Variants in CCDC88A observed in about 807,000 individuals in gnomAD.
CCDC88A encodes the protein coiled-coil and HOOK domain protein 88A.
CCDC88A carries 54 observed loss-of-function variants against 234.3 expected under a neutral mutation model. That is an observed-to-expected ratio of 0.23 (90% CI 0.19 to 0.29). The LOEUF (loss-of-function observed/expected upper bound fraction) is 0.29, where lower values mean the gene tolerates loss of function less well. Among genes scored for constraint, CCDC88A ranks in the 10% least tolerant of loss-of-function variants. CCDC88A has a pLI of 1.00. For synonymous variants in CCDC88A, 753 were observed against 737.8 expected (o/e 1.02, Z -0.33); for missense variants, 1,832 against 2,123.4 (o/e 0.86, Z 2.70).
intron 2 of CCDC88A, among the ~76,000 whole-genome samples, chr2:55,413,048 A>G (rs1232133313): frequency 6.6e-6 from 1 of 152,152 alleles, no homozygotes; most frequent in African/African-American, 2.4e-5. Flanking sequence ...TATAAAAAAA[A>G]TTTTAAAAAA....
At chr2:55,326,642 A>C (rs1035128198) in intron 17 of CCDC88A, among the ~76,000 whole-genome samples, 3 of 152,118 alleles carry the variant, frequency 2.0e-5, no homozygotes, top group African/African-American at 7.2e-5. Flanking sequence ...AGCTCACTGC[A>C]ACCTCTACCT....
rs549915854 is a variant in CCDC88A at position 55,384,618 on chromosome 2, T to C, written c.273+4160A>G. ...ATATATACGTATATATGTGTATATA[T>C]ACGTATATATATGTATATATGTGTA... On this transcript the variant is annotated intron_variant, in intron 3 of 32. Transcript: ENST00000436346. 6.5e-4 allele frequency among the ~76,000 whole-genome samples: 53 copies of C among 81,356 alleles called. 3 individuals are homozygous for C. The highest frequency in any genetic ancestry group is 9.7e-4 in the African/African-American group (16 of 16,434). The allele number at this position is 81,356 out of a possible 152,430, so 53.4% of individuals were successfully genotyped here. A position where few individuals can be genotyped will look rare whatever the true frequency, so the allele number is the denominator to read the frequency against.
chr2:55,349,308 T>C (rs1051197858), intron 9 of CCDC88A: 9 of 515,962 alleles, frequency 1.7e-5, no homozygotes, highest in East Asian at 1.4e-4. Flanking sequence ...TTTTGAATCT[T>C]AGCAGAGTTT....
intron 9 of CCDC88A, among the ~76,000 whole-genome samples, chr2:55,347,329 G>T (rs1027528897): frequency 6.6e-6 from 1 of 152,090 alleles, no homozygotes; most frequent in African/African-American, 2.4e-5. Context: ...AGTTCAGGAG[G>T]TCAAAAGTAT....
intron 2 of CCDC88A, among the ~76,000 whole-genome samples, chr2:55,397,957 G>T (rs557599063): frequency 1.3e-5 from 2 of 151,900 alleles, no homozygotes; most frequent in African/African-American, 4.8e-5. Context: ...ATAAAAGGAA[G>T]GAATTATATA....
rs1427903055 is a variant in CCDC88A at position 55,373,435 on chromosome 2, T to C, written c.344-925A>G. Among the ~76,000 whole-genome samples, 5 of 152,310 alleles carry C rather than the reference T, an allele frequency of 3.3e-5. No individual in the cohort carries two copies. The East Asian group carries it at 5.8e-4, about 18-fold the overall frequency. ...ATCATCTCTGTGTAGTCTTCCCTGATCCAATCATCAATGGTCCCCCACTCT... is the reference window on the plus strand; with the variant it reads ...ATCATCTCTGTGTAGTCTTCCCTGACCCAATCATCAATGGTCCCCCACTCT... On this transcript the variant is annotated intron_variant, in intron 4 of 32. Coordinates refer to ENST00000436346, the MANE Select transcript of CCDC88A (RefSeq NM_001365480.1).
chr2:55,326,170 CTTTT>C (rs70949102), intron 17 of CCDC88A, among the ~76,000 whole-genome samples: 1 of 147,474 alleles, frequency 6.8e-6, no homozygotes, highest in African/African-American at 2.5e-5. Context: ...CCTGTTTCTT[CTTTT>C]TTTTTTTGCC....
intron 23 of CCDC88A, among the ~76,000 whole-genome samples, chr2:55,311,024 TG>T (rs1408292005): frequency 6.6e-6 from 1 of 152,226 alleles, no homozygotes; most frequent in Non-Finnish European, 1.5e-5. Context: ...TCATAATCTT[TG>T]GAAGTCAACT....
intron 3 of CCDC88A, among the ~76,000 whole-genome samples, chr2:55,381,081 T>G (rs145665763): frequency 1.3e-5 from 2 of 152,294 alleles, no homozygotes; most frequent in African/African-American, 2.4e-5. Flanking sequence ...AATGCACAAA[T>G]ACCATTGTGT....
intron 7 of CCDC88A, among the ~76,000 whole-genome samples, chr2:55,360,049 G>A (rs376933635): frequency 9.5e-4 from 144 of 152,184 alleles, no homozygotes; most frequent in African/African-American, 3.3e-3. Flanking sequence ...CTATAAAATG[G>A]GGTTTTCATG....
At chr2:55,412,386 G>A (rs1004135648) in intron 2 of CCDC88A, among the ~76,000 whole-genome samples, 1 of 152,210 alleles carries the variant, frequency 6.6e-6, no homozygotes, top group Admixed American at 6.5e-5. Flanking sequence ...TCTAACCCCT[G>A]GGCCATGGAT....
At chr2:55,411,969 C>T (rs6720698) in intron 2 of CCDC88A, among the ~76,000 whole-genome samples, 124,332 of 151,924 alleles carry the variant, frequency 0.82, 51,679 homozygotes, top group Admixed American at 0.91. Context: ...AAAACAAATA[C>T]GGGGAAAGAG....
chr2:55,300,190 T>G, intron 28 of CCDC88A: 1 of 362,120 alleles, frequency 2.8e-6, no homozygotes, highest in East Asian at 5.8e-5. Context: ...CAGGAGTGTT[T>G]TAGTTAAATA....
At chr2:55,412,509 G>A (rs1680669075) in intron 2 of CCDC88A, among the ~76,000 whole-genome samples, 1 of 152,134 alleles carries the variant, frequency 6.6e-6, no homozygotes, top group African/African-American at 2.4e-5. Context: ...ATTCTCACAG[G>A]ACCACAAACC....
chr2:55,293,884 C>T (rs181227903), intron 31 of CCDC88A: 2 of 149,468 alleles, frequency 1.3e-5, no homozygotes, highest in East Asian at 3.9e-4. Context: ...AAGTTCTTTG[C>T]ACTGGAGTCA....
At chr2:55,322,041 G>A (rs984208023) in intron 18 of CCDC88A, among the ~76,000 whole-genome samples, 1 of 151,972 alleles carries the variant, frequency 6.6e-6, no homozygotes, top group East Asian at 1.9e-4. Flanking sequence ...GTTGTTTACT[G>A]TCAAGTATAT....
intron 5 of CCDC88A, among the ~76,000 whole-genome samples, chr2:55,370,705 T>G (rs1164729657): frequency 3.4e-5 from 5 of 145,382 alleles, no homozygotes; most frequent in Non-Finnish European, 6.0e-5. Context: ...TTCTTTATTC[T>G]CAGATAAATT....
intron 2 of CCDC88A, chr2:55,394,325 C>G (rs971343350): frequency 2.0e-5 from 3 of 152,132 alleles, no homozygotes; most frequent in Non-Finnish European, 2.9e-5. Flanking sequence ...TTAATCCAGT[C>G]TATCATTGTT....
chr2:55,405,891 G>T (rs949729605), intron 2 of CCDC88A: 2 of 152,074 alleles, frequency 1.3e-5, no homozygotes, highest in South Asian at 4.2e-4. Flanking sequence ...CAGGTGCGGC[G>T]GCTCACGCCT....
Sources: gnomAD v4.1 joint callset for allele counts (sites outside exome capture counted in the v4.1 genomes callset) on GRCh38, gnomAD v4.1.1 for gene constraint, MANE v1.5 for transcripts, NCBI Gene and HGNC (gene_info 2026-07-23, HGNC 2026-07-21) for gene names.